The following RSPRY1 variants were observed in gnomAD, a reference collection of about 807,000 sequenced individuals.
RSPRY1 encodes RING finger and SPRY domain-containing protein 1.
Under a neutral mutation model 73.1 loss-of-function variants are expected in RSPRY1, and 23 were observed. That is an observed-to-expected ratio of 0.31 (90% CI 0.23 to 0.45). RSPRY1 has a LOEUF of 0.45. RSPRY1 is among the 20% of genes least tolerant of loss of function. RSPRY1 has a pLI of 1.00. For missense variants in RSPRY1, 448 were observed against 698.7 expected (o/e 0.64, Z 4.05); for synonymous variants, 226 against 251.4 (o/e 0.90, Z 0.95).
chr16:57,230,743 G>T lies in RSPRY1; in HGVS notation c.1306G>T (p.Glu436Ter). Residue 436 changes from glutamate to a stop codon, truncating the protein, a stop_gained, in exon 12 of 15, where the codon GAA becomes TAA. Transcript: ENST00000394420. LOFTEE classifies it high-confidence loss of function. ...DTVGFLLDLN[E>*]KQMIFFLNGN... is the part of the protein sequence containing the mutation. Reference sequence around the variant, plus strand: ...AGTAGGATTTCTGTTAGACTTGAATGAAAAGCAAATGATCTTCTTTTTAAA... The same window carrying T: ...AGTAGGATTTCTGTTAGACTTGAATTAAAAGCAAATGATCTTCTTTTTAAA... The T allele has an allele frequency of 6.2e-7, 1 of 1,610,404 alleles. No individual in the cohort carries two copies. Among genetic ancestry groups the T allele is most frequent in the South Asian group, 1.1e-5 (1 of 90,994 alleles).
At chr16:57,209,034 A>G in intron 3 of RSPRY1, 41 bp from the exon 4 acceptor site, 1 of 1,319,810 alleles carries the variant, frequency 7.6e-7, no homozygotes, top group Non-Finnish European at 1.1e-6. Context: ...ACATTTTAAA[A>G]ATAGTGACTC....
chr16:57,215,891 G>T (rs1340759915), intron 6 of RSPRY1, among the ~76,000 whole-genome samples: 1 of 152,014 alleles, frequency 6.6e-6, no homozygotes, highest in African/African-American at 2.4e-5. Context: ...TTAACCTAGT[G>T]ACTTTAAGAA....
At chr16:57,194,569 G>A (rs2074406166) in intron 1 of RSPRY1, among the ~76,000 whole-genome samples, 1 of 152,106 alleles carries the variant, frequency 6.6e-6, no homozygotes, top group South Asian at 2.1e-4. Context: ...AGCCTTTGTG[G>A]GGGAGGGTTG....
intron 4 of RSPRY1, 113 bp from the exon 5 acceptor site, chr16:57,212,859 C>T (rs921743739): frequency 2.8e-5 from 30 of 1,086,698 alleles, no homozygotes; most frequent in African/African-American, 1.1e-4. Flanking sequence ...GTGGTCCGCC[C>T]GCCTCGGCCT....
intron 1 of RSPRY1, among the ~76,000 whole-genome samples, chr16:57,197,337 A>G (rs1411863193): frequency 6.6e-6 from 1 of 152,208 alleles, no homozygotes; most frequent in Non-Finnish European, 1.5e-5. Context: ...CTGTGGCTGT[A>G]GCCCTCAAGA....
chr16:57,202,892 A>ATATATATATATC (rs1400425593), intron 1 of RSPRY1, among the ~76,000 whole-genome samples: 2 of 146,290 alleles, frequency 1.4e-5, no homozygotes, highest in Non-Finnish European at 3.0e-5. Context: ...ATATATATAT[A>ATATATATATATC]TATATATATA....
intron 7 of RSPRY1, 148 bp downstream of exon 7, chr16:57,216,321 T>A: frequency 1.6e-6 from 1 of 615,276 alleles, no homozygotes; most frequent in Non-Finnish European, 2.9e-6. Flanking sequence ...TTAAAGCCAA[T>A]GAAGTATAAC....
At chr16:57,228,853 C>T (rs1274855687) in intron 11 of RSPRY1, among the ~76,000 whole-genome samples, 2 of 151,968 alleles carry the variant, frequency 1.3e-5, no homozygotes, top group Admixed American at 1.3e-4. Context: ...CCACCACGCC[C>T]GGCTAATTTT....
intron 1 of RSPRY1, among the ~76,000 whole-genome samples, 166 bp from the exon 2 acceptor site, chr16:57,204,338 G>A (rs1031523880): frequency 1.8e-4 from 27 of 152,116 alleles, no homozygotes; most frequent in Admixed American, 1.7e-3. Flanking sequence ...GATTGATTGC[G>A]AATTCTGTTA....
chr16:57,207,574 C>T (rs1189980543), intron 2 of RSPRY1: 1 of 456,020 alleles, frequency 2.2e-6, no homozygotes, highest in East Asian at 6.9e-5. Context: ...GAAGTCTAAG[C>T]ATGTAGTGGT....
In RSPRY1 at chr16:57,204,574, C is replaced by G; in HGVS notation, c.-85C>G. On this transcript the variant is annotated 5_prime_UTR_variant, in exon 2 of 15. Coordinates refer to ENST00000394420, the MANE Select transcript of RSPRY1 (RefSeq NM_133368.3). ...GAATAAGCTCTGCAACTTTCTTTGGCATTCAGTTGTTAAAAACAAATAGGA... is the reference window on the plus strand; with the variant it reads ...GAATAAGCTCTGCAACTTTCTTTGGGATTCAGTTGTTAAAAACAAATAGGA... The G allele has an allele frequency of 1.7e-6, 2 of 1,211,126 alleles. No individual in the cohort carries two copies. Among genetic ancestry groups the G allele is most frequent in the Non-Finnish European group, 2.4e-6 (2 of 847,860 alleles). The allele number at this position is 1,211,126 out of a possible 1,614,324, so 75.0% of individuals were successfully genotyped here.
Position 57,230,723 on chromosome 16 carries a change from G to C in RSPRY1, c.1286G>C (p.Gly429Ala). The change falls in exon 12 of 15, where the codon GGA (glycine) becomes GCA (alanine). Residue 429 changes from glycine to alanine, a missense_variant. By Grantham distance (60) the Gly-to-Ala change is moderately conservative (BLOSUM62 0). Coordinates refer to ENST00000394420, the MANE Select transcript of RSPRY1 (RefSeq NM_133368.3). ...HPCWKEGDTV[G>A]FLLDLNEKQM... is the part of the protein sequence containing the mutation. Reference sequence around the variant, plus strand: ...CTTTATCCTCTAGGAGATACAGTAGGATTTCTGTTAGACTTGAATGAAAAG... The same window carrying C: ...CTTTATCCTCTAGGAGATACAGTAGCATTTCTGTTAGACTTGAATGAAAAG... The C allele has an allele frequency of 6.3e-7, 1 of 1,590,196 alleles. No homozygotes were observed. The highest frequency in any genetic ancestry group is 8.6e-7 in the Non-Finnish European group (1 of 1,159,690).
At chr16:57,227,280 C>T in intron 10 of RSPRY1, 62 bp from the exon 11 acceptor site, 1 of 1,108,856 alleles carries the variant, frequency 9.0e-7, no homozygotes, top group South Asian at 1.3e-5. Context: ...AAAAGACACA[C>T]TCTCTGTTCC....
At chr16:57,200,681 C>T (rs1597865561) in intron 1 of RSPRY1, among the ~76,000 whole-genome samples, 2 of 67,142 alleles carry the variant, frequency 3.0e-5, no homozygotes, top group African/African-American at 1.1e-4. Context: ...CCACCTCCCT[C>T]CCGGACGGGG....
chr16:57,235,944 C>T (rs953131496), intron 14 of RSPRY1, among the ~76,000 whole-genome samples: 4 of 152,154 alleles, frequency 2.6e-5, no homozygotes, highest in Admixed American at 1.3e-4. Context: ...TGCCTCTCTA[C>T]GTTTGTTGTC....
intron 1 of RSPRY1, 96 bp from the exon 2 acceptor site, chr16:57,204,408 A>G: frequency 2.4e-6 from 1 of 420,370 alleles, no homozygotes; most frequent in Non-Finnish European, 4.3e-6. Context: ...ATTCTTCATT[A>G]GAATCCTAAT....
intron 13 of RSPRY1, among the ~76,000 whole-genome samples, chr16:57,232,662 A>C (rs2075242812): frequency 6.6e-6 from 1 of 152,172 alleles, no homozygotes; most frequent in Non-Finnish European, 1.5e-5. Context: ...CATAGTTAAA[A>C]TGCTTCAGCA....
chr16:57,187,789 C>T (rs767527760), intron 1 of RSPRY1, among the ~76,000 whole-genome samples: 1 of 152,004 alleles, frequency 6.6e-6, no homozygotes, highest in Non-Finnish European at 1.5e-5. Flanking sequence ...AAGATCTAAA[C>T]CCATGGTTTC....
intron 1 of RSPRY1, among the ~76,000 whole-genome samples, chr16:57,193,870 A>G (rs2074392741): frequency 6.6e-6 from 1 of 152,152 alleles, no homozygotes; most frequent in Non-Finnish European, 1.5e-5. Context: ...GTTTGAGACC[A>G]GCCTAGCCCA....
Sources: allele counts gnomAD v4.1 joint callset (sites outside exome capture counted in the v4.1 genomes callset), GRCh38; gene constraint gnomAD v4.1.1; transcripts MANE v1.5; gene names NCBI Gene and HGNC (gene_info 2026-07-23, HGNC 2026-07-21).